The following PLCB1 variants were observed in gnomAD, a reference collection of about 807,000 sequenced individuals.
PLCB1 encodes the protein 1-phosphatidylinositol 4,5-bisphosphate phosphodiesterase beta-1.
A neutral mutation model predicts 161.8 loss-of-function variants in PLCB1; 46 were observed. That is an observed-to-expected ratio of 0.28 (90% CI 0.22 to 0.36). The LOEUF (loss-of-function observed/expected upper bound fraction) is 0.36. Ranked by LOEUF, PLCB1 falls within the 10% of genes least tolerant of loss-of-function variation. The pLI is 1.00. For synonymous variants in PLCB1, 517 were observed against 503.7 expected, an observed-to-expected ratio of 1.03 and a Z score of -0.35; for missense variants, 1,016 against 1,472.5, an observed-to-expected ratio of 0.69 and a Z score of 5.07.
intron 27 of PLCB1, among the ~76,000 whole-genome samples, chr20:8,778,034 CAT>C (rs1164284529): frequency 6.6e-6 from 1 of 152,132 alleles, no homozygotes; most frequent in Non-Finnish European, 1.5e-5. Flanking sequence ...CCGCCCACAA[CAT>C]GTGGGAATTC....
chr20:8,832,207 T>C (rs150170376), intron 31 of PLCB1, among the ~76,000 whole-genome samples: 148 of 152,258 alleles, frequency 9.7e-4, no homozygotes, highest in South Asian at 1.2e-3. Flanking sequence ...CTTGAGTGGT[T>C]CCACTTCTAA....
At chr20:8,643,347 G>T (rs960093657) in intron 4 of PLCB1, among the ~76,000 whole-genome samples, 2 of 152,090 alleles carry the variant, frequency 1.3e-5, no homozygotes, top group Non-Finnish European at 2.9e-5. Context: ...CTAGTTTGTT[G>T]TCGCAACCCC....
At chr20:8,718,927 G>A (rs894157380) in intron 14 of PLCB1, among the ~76,000 whole-genome samples, 2 of 152,176 alleles carry the variant, frequency 1.3e-5, no homozygotes, top group African/African-American at 4.8e-5. Flanking sequence ...TTTAAAATCT[G>A]TGACATGGCA....
intron 2 of PLCB1, among the ~76,000 whole-genome samples, chr20:8,225,898 T>G (rs1979655796): frequency 6.6e-6 from 1 of 152,234 alleles, no homozygotes. Flanking sequence ...AGCAAATATT[T>G]GATGTTACCA....
intron 2 of PLCB1, among the ~76,000 whole-genome samples, chr20:8,265,592 TTTATATC>T: frequency 6.6e-6 from 1 of 152,308 alleles, no homozygotes; most frequent in African/African-American, 2.4e-5. Context: ...GCATCTCAAA[TTTATATC>T]TTAATGTGTT....
chr20:8,729,339 G>C (rs1052071632), intron 18 of PLCB1, 165 bp downstream of exon 18: 2 of 453,950 alleles, frequency 4.4e-6, no homozygotes, highest in Non-Finnish European at 7.5e-6. Flanking sequence ...AGTGAATTTT[G>C]AAAATCGAGA....
At chr20:8,719,999 GA>G (rs1979539472) in intron 14 of PLCB1, among the ~76,000 whole-genome samples, 5 of 152,196 alleles carry the variant, frequency 3.3e-5, no homozygotes, top group Non-Finnish European at 7.4e-5. Context: ...TGTAGCTTTT[GA>G]ATGTGTACTT....
At chr20:8,876,304 A>T (rs1457731898) in intron 31 of PLCB1, among the ~76,000 whole-genome samples, 3 of 152,158 alleles carry the variant, frequency 2.0e-5, no homozygotes, top group Non-Finnish European at 2.9e-5. Flanking sequence ...TCATTTTCCA[A>T]AAAGAGGTCT....
Position 8,550,226 on chromosome 20 carries a change from T to A in PLCB1, c.247-78068T>A, listed in dbSNP as rs1471716343. 2.6e-5 allele frequency among the ~76,000 whole-genome samples: 4 copies of A among 152,226 alleles called. No homozygotes were observed. In the East Asian group the frequency reaches 7.7e-4, roughly 29 times the overall value. On this transcript the variant is annotated intron_variant, in intron 3 of 31. Coordinates refer to ENST00000338037, the MANE Select transcript of PLCB1 (RefSeq NM_015192.4). The stretch of plus-strand genomic sequence containing the variant: ...ACTTTGGGGGACTGTTGGAAGGGTA[T>A]GATTGTGTTTTGAAATGTGAGGACA...
In PLCB1 at chr20:8,627,704, A is replaced by T. The variant is rs1021932337; in HGVS notation, c.247-590A>T. On this transcript the variant is annotated intron_variant, in intron 3 of 31. Transcript: ENST00000338037. ...TGACCCAAAGAATGCAACTTGCTCT[A>T]AAAAGACTGCAGAAGTTCCCTATGT... Among the ~76,000 whole-genome samples the T allele has an allele frequency of 3.9e-5, 6 of 152,236 alleles. 1 individual carries two copies. The highest frequency in any genetic ancestry group is 8.8e-5 in the Non-Finnish European group (6 of 68,048).
intron 10 of PLCB1, among the ~76,000 whole-genome samples, chr20:8,686,524 T>C (rs1314632895): frequency 6.6e-6 from 1 of 152,208 alleles, no homozygotes; most frequent in Non-Finnish European, 1.5e-5. Flanking sequence ...ATATAATAAA[T>C]GAGTCAGTAA....
At chr20:8,160,767 G>A (rs1825310321) in intron 2 of PLCB1, among the ~76,000 whole-genome samples, 2 of 152,240 alleles carry the variant, frequency 1.3e-5, no homozygotes, top group South Asian at 2.1e-4. Context: ...AGCAAGACAA[G>A]TCTCTTTTTG....
At chr20:8,684,254 T>G (rs1990301411) in intron 9 of PLCB1, among the ~76,000 whole-genome samples, 1 of 149,880 alleles carries the variant, frequency 6.7e-6, no homozygotes, top group Admixed American at 6.6e-5. Flanking sequence ...ATTTATTTAT[T>G]TATTTATTTA....
intron 2 of PLCB1, among the ~76,000 whole-genome samples, chr20:8,354,924 C>T (rs975117370): frequency 1.3e-5 from 2 of 152,140 alleles, no homozygotes; most frequent in Non-Finnish European, 2.9e-5. Flanking sequence ...GTGAACTTAG[C>T]TGATCCTACA....
chr20:8,649,864 T>C (rs1989262718), intron 7 of PLCB1: 1 of 156,592 alleles, frequency 6.4e-6, no homozygotes, highest in Non-Finnish European at 1.4e-5. Flanking sequence ...AGACTGAAAA[T>C]TGGTACCAAG....
chr20:8,384,946 G>A (rs974679621), intron 3 of PLCB1, among the ~76,000 whole-genome samples: 2 of 152,172 alleles, frequency 1.3e-5, no homozygotes, highest in South Asian at 4.1e-4. Flanking sequence ...AACCTGATGC[G>A]AGTAGGATCG....
At chr20:8,853,669 AT>A (rs1207413819) in intron 31 of PLCB1, among the ~76,000 whole-genome samples, 1 of 152,186 alleles carries the variant, frequency 6.6e-6, no homozygotes, top group African/African-American at 2.4e-5. Context: ...GGGAAAAAAA[AT>A]GCCAGGGTTA....
intron 12 of PLCB1, among the ~76,000 whole-genome samples, chr20:8,709,802 A>G (rs888547566): frequency 6.6e-6 from 1 of 152,222 alleles, no homozygotes; most frequent in Non-Finnish European, 1.5e-5. Context: ...TTATGCAACA[A>G]TCATCCAATG....
chr20:8,359,147 G>C (rs576110318), intron 2 of PLCB1, among the ~76,000 whole-genome samples: 1 of 152,088 alleles, frequency 6.6e-6, no homozygotes, highest in South Asian at 2.1e-4. Context: ...GACAGTGATT[G>C]CTTTTTACTT....
Sources: allele counts gnomAD v4.1 joint callset (sites outside exome capture counted in the v4.1 genomes callset), GRCh38; gene constraint gnomAD v4.1.1; transcripts MANE v1.5; gene names NCBI Gene and HGNC (gene_info 2026-07-23, HGNC 2026-07-21).